ANLN: variants seen among roughly 807,000 people sequenced by gnomAD.
ANLN encodes the protein anillin.
ANLN carries 59 observed loss-of-function variants against 135.1 expected under a neutral mutation model. That is an observed-to-expected ratio of 0.44 (90% CI 0.35 to 0.54). The LOEUF (loss-of-function observed/expected upper bound fraction) is 0.54. Ranked by LOEUF, ANLN falls within the 20% of genes least tolerant of loss-of-function variation. The pLI is 0.00. For synonymous variants in ANLN, 406 were observed against 456.4 expected (o/e 0.89, Z 1.41); for missense variants, 1,182 against 1,340.0 (o/e 0.88, Z 1.84).
chr7:36,390,034 C>G lies in ANLN; in HGVS notation c.8C>G (p.Pro3Arg). The G allele has an allele frequency of 6.2e-7, 1 of 1,614,028 alleles. No individual in the cohort carries two copies. The highest frequency in any genetic ancestry group is 8.5e-7 in the Non-Finnish European group (1 of 1,179,970). MDPFTEKLLERTR... is the reference protein window; with the variant it reads MDRFTEKLLERTR... ...AGTCCGACGCCTGGGGCGATGGATC[C>G]GTTTACGGAGGTGAGTGAGTTTGCG... The change falls in exon 1 of 24, where the codon CCG (proline) becomes CGG (arginine). Residue 3 changes from proline to arginine, a missense_variant. Physicochemically the swap from Pro to Arg is moderately radical, Grantham distance 103. Coordinates refer to ENST00000265748, the MANE Select transcript of ANLN (RefSeq NM_018685.5).
At chr7:36,429,138 CTTTGCTTGTTAAT>C in intron 20 of ANLN, among the ~76,000 whole-genome samples, 1 of 152,048 alleles carries the variant, frequency 6.6e-6, no homozygotes, top group East Asian at 1.9e-4. Context: ...ATAGATGACC[CTTTGCTTGTTAAT>C]TTTGAAATTA....
intron 21 of ANLN, among the ~76,000 whole-genome samples, chr7:36,442,045 C>T (rs1441454220): frequency 2.0e-5 from 3 of 152,082 alleles, no homozygotes; most frequent in Non-Finnish European, 4.4e-5. Context: ...AACATTTGCT[C>T]CCACACGTCA....
At chr7:36,415,625 A>G in intron 7 of ANLN, 133 bp from the exon 8 acceptor site, 1 of 993,950 alleles carries the variant, frequency 1.0e-6, no homozygotes, top group Non-Finnish European at 1.4e-6. Context: ...CTATTCACAT[A>G]CACTATCTCT....
At chr7:36,422,937 T>G in intron 14 of ANLN, 128 bp downstream of exon 14, 1 of 739,162 alleles carries the variant, frequency 1.4e-6, no homozygotes, top group Non-Finnish European at 2.1e-6. Context: ...TTAGGTCCTT[T>G]TATTGAGATA....
intron 20 of ANLN, among the ~76,000 whole-genome samples, chr7:36,435,015 G>A (rs568948359): frequency 2.0e-5 from 3 of 152,202 alleles, no homozygotes; most frequent in African/African-American, 7.2e-5. Context: ...TGATGGAAAT[G>A]TTCATTATTA....
At chr7:36,399,900 G>A (rs766279482) in intron 3 of ANLN, among the ~76,000 whole-genome samples, 16 of 152,128 alleles carry the variant, frequency 1.1e-4, no homozygotes, top group South Asian at 8.3e-4. Flanking sequence ...GCCTATAATC[G>A]GAAGGGGAAC....
intron 22 of ANLN, among the ~76,000 whole-genome samples, chr7:36,447,898 A>T (rs1229859153): frequency 2.0e-5 from 3 of 152,176 alleles, no homozygotes; most frequent in South Asian, 2.1e-4. Context: ...AACCATGGAT[A>T]AGTGGGGGGC....
At chr7:36,435,730 G>A (rs1363926241) in intron 20 of ANLN, among the ~76,000 whole-genome samples, 7 of 150,678 alleles carry the variant, frequency 4.6e-5, no homozygotes, top group African/African-American at 1.2e-4. Context: ...AAAATTAGCC[G>A]GGCGTGGTAG....
At position 36,422,282 on chromosome 7, in the gene ANLN, A is replaced by ATT. The variant is rs1227702647; in HGVS notation, c.2299+291_2299+292dup. Reference sequence around the variant, plus strand: ...TCTATATATACACATGTACACATACATTCTCTCTCTCTCTCTCTCTCTCTC... The same window carrying ATT: ...TCTATATATACACATGTACACATACATTTTCTCTCTCTCTCTCTCTCTCTCTC... On this transcript the variant is annotated intron_variant, in intron 13 of 23. Transcript: ENST00000265748. Among the ~76,000 whole-genome samples the ATT allele has an allele frequency of 2.7e-5, 3 of 111,854 alleles. No homozygotes were observed. In the East Asian group the frequency reaches 8.9e-4, roughly 33 times the overall value. 73.4% of individuals were successfully genotyped at this position (111,854 alleles called of 152,430 possible).
At chr7:36,425,451 C>T (rs1269996193) in intron 17 of ANLN, among the ~76,000 whole-genome samples, 2 of 152,040 alleles carry the variant, frequency 1.3e-5, no homozygotes, top group Non-Finnish European at 2.9e-5. Flanking sequence ...TGTGCCACCA[C>T]ATCTGACTAA....
chr7:36,415,715 T>C (rs756283257), intron 7 of ANLN, 43 bp from the exon 8 acceptor site: 2 of 1,524,084 alleles, frequency 1.3e-6, no homozygotes, highest in Admixed American at 4.5e-5. Flanking sequence ...ATAAAATATA[T>C]AGTTTTGAGA....
intron 21 of ANLN, among the ~76,000 whole-genome samples, chr7:36,442,746 C>G (rs1430125680): frequency 2.0e-5 from 3 of 152,064 alleles, no homozygotes; most frequent in East Asian, 3.9e-4. Flanking sequence ...ATTCTCCTGC[C>G]TCAGCCTCCT....
Position 36,453,758 on chromosome 7 carries a change from T to G in ANLN, c.*1158T>G, listed in dbSNP as rs1047709670. ...TATAAAAATATATTTTATGAGCTCT[T>G]ACTCAAATAAATACCTGTAAATGTC... On this transcript the variant is annotated 3_prime_UTR_variant, in exon 24 of 24. Transcript: ENST00000265748. 3.9e-5 allele frequency: 6 copies of G among 152,644 alleles called. No individual in the cohort carries two copies. Among genetic ancestry groups the G allele is most frequent in the Admixed American group, 6.5e-5 (1 of 15,284 alleles). 9.5% of individuals were successfully genotyped at this position (152,644 alleles called of 1,614,324 possible). A position where few individuals can be genotyped will look rare whatever the true frequency, so the allele number is the denominator to read the frequency against.
chr7:36,402,913 A>G (rs547629546), intron 3 of ANLN, among the ~76,000 whole-genome samples: 43 of 152,242 alleles, frequency 2.8e-4, no homozygotes, highest in Non-Finnish European at 5.6e-4. Context: ...CTATCAGCAG[A>G]TGACAGTTTT....
In ANLN at chr7:36,449,695, T is replaced by C; in HGVS notation, c.3109T>C (p.Cys1037Arg). 6.2e-7 allele frequency: 1 copy of C among 1,613,692 alleles called. No homozygotes were observed. The highest frequency in any genetic ancestry group is 2.2e-5 in the East Asian group (1 of 44,872). The change falls in exon 23 of 24, where the codon TGT (cysteine) becomes CGT (arginine). Residue 1037 changes from cysteine to arginine, a missense_variant. Transcript: ENST00000265748. Reference protein sequence around the residue: ...NPIGRINLANCTSRQIEPANR... With the variant: ...NPIGRINLANRTSRQIEPANR... Reference sequence around the variant, plus strand: ...CATAGGAAGGATAAATCTGGCTAATTGTACCAGTCGTCAGATAGAACCAGC... The same window carrying C: ...CATAGGAAGGATAAATCTGGCTAATCGTACCAGTCGTCAGATAGAACCAGC...
At chr7:36,421,071 G>A (rs529135187) in intron 12 of ANLN, among the ~76,000 whole-genome samples, 3 of 148,506 alleles carry the variant, frequency 2.0e-5, no homozygotes, top group Admixed American at 1.3e-4. Context: ...TGCTAAGGAA[G>A]CTTTTTTTTT....
chr7:36,435,056 T>C (rs891702876), intron 20 of ANLN, among the ~76,000 whole-genome samples: 1 of 152,196 alleles, frequency 6.6e-6, no homozygotes, highest in East Asian at 1.9e-4. Context: ...TGGGTTATAA[T>C]ATACATATAT....
At chr7:36,390,367 GCCTGCGGAACGGGT>G (rs1484175322) in intron 1 of ANLN, 3 of 403,286 alleles carry the variant, frequency 7.4e-6, no homozygotes, top group Non-Finnish European at 1.4e-5. Context: ...TGAGGCGCAG[GCCTGCGGAACGGGT>G]CCTGCTGGAA....
intron 22 of ANLN, among the ~76,000 whole-genome samples, chr7:36,445,305 G>A (rs1428744788): frequency 1.3e-5 from 2 of 150,386 alleles, no homozygotes; most frequent in Non-Finnish European, 3.0e-5. Context: ...CTCTCAAAAA[G>A]TTTTGGATTT....
Sources: allele counts gnomAD v4.1 joint callset (sites outside exome capture counted in the v4.1 genomes callset), GRCh38; gene constraint gnomAD v4.1.1; transcripts MANE v1.5; gene names NCBI Gene and HGNC (gene_info 2026-07-23, HGNC 2026-07-21).